P2RX7: variants seen among roughly 807,000 people sequenced by gnomAD.
P2RX7 encodes the protein purinergic receptor P2X 7.
Under a neutral mutation model 71.6 loss-of-function variants are expected in P2RX7, and 62 were observed. That is an observed-to-expected ratio of 0.87 (90% CI 0.71 to 1.07). The LOEUF is 1.07. Among genes scored for constraint, P2RX7 ranks in the 50% least tolerant of loss-of-function variants. P2RX7 has a pLI of 0.00. For missense variants in P2RX7, 686 were observed against 748.5 expected, an observed-to-expected ratio of 0.92 and a Z score of 0.97; for synonymous variants, 299 against 283.3, an observed-to-expected ratio of 1.06 and a Z score of -0.56.
chr12:121,184,425 A>G lies in P2RX7; in HGVS notation c.1411A>G (p.Arg471Gly), dbSNP rs1884639500. The change falls in exon 13 of 13, where the codon AGG becomes GGG. Residue 471 changes from arginine to glycine, a missense_variant. By Grantham distance (125) the Arg-to-Gly change is moderately radical (BLOSUM62 -2). Coordinates refer to ENST00000328963, the MANE Select transcript of P2RX7 (RefSeq NM_002562.6). ...LLRKEATPRSRDSPVWCQCGS... is the reference protein window; with the variant it reads ...LLRKEATPRSGDSPVWCQCGS... Reference sequence around the variant, plus strand: ...TAGAAAGGAGGCGACTCCTAGATCCAGGGATAGCCCCGTCTGGTGCCAGTG... The same window carrying G: ...TAGAAAGGAGGCGACTCCTAGATCCGGGGATAGCCCCGTCTGGTGCCAGTG... 3 of 1,614,060 alleles carry G rather than the reference A, an allele frequency of 1.9e-6. No individual in the cohort carries two copies. Among genetic ancestry groups the G allele is most frequent in the African/African-American group, 2.7e-5 (2 of 74,924 alleles).
chr12:121,173,872 G>A (rs1294019920), intron 8 of P2RX7, among the ~76,000 whole-genome samples: 1 of 152,084 alleles, frequency 6.6e-6, no homozygotes, highest in Non-Finnish European at 1.5e-5. Context: ...GATTGCAGAG[G>A]AGATGTAAAC....
intron 8 of P2RX7, among the ~76,000 whole-genome samples, chr12:121,170,751 G>A (rs1224222447): frequency 6.6e-6 from 1 of 152,130 alleles, no homozygotes; most frequent in East Asian, 1.9e-4. Context: ...TCCAGCCTGG[G>A]CGACAGAGCA....
chr12:121,144,151 A>G (rs1231818413), intron 1 of P2RX7, among the ~76,000 whole-genome samples: 2 of 152,228 alleles, frequency 1.3e-5, no homozygotes, highest in Non-Finnish European at 2.9e-5. Flanking sequence ...CAGCAGAGTG[A>G]GTTCTGTTGT....
intron 1 of P2RX7, among the ~76,000 whole-genome samples, chr12:121,145,572 T>C (rs906386810): frequency 6.6e-6 from 1 of 151,632 alleles, no homozygotes; most frequent in African/African-American, 2.4e-5. Context: ...GATGGTGTGA[T>C]CTCCACTCAC....
intron 8 of P2RX7, among the ~76,000 whole-genome samples, chr12:121,172,096 C>T (rs1215041237): frequency 2.7e-5 from 4 of 150,634 alleles, no homozygotes; most frequent in Admixed American, 6.6e-5. Context: ...CTCCTGACCT[C>T]GTGATCTGCC....
chr12:121,163,405 T>C (rs1344036217), intron 5 of P2RX7, among the ~76,000 whole-genome samples: 5 of 151,546 alleles, frequency 3.3e-5, no homozygotes, highest in African/African-American at 1.2e-4. Context: ...GTGGTGGTTC[T>C]AGACCAGCAC....
chr12:121,169,881 C>A (rs112667862), intron 8 of P2RX7, among the ~76,000 whole-genome samples: 1 of 152,160 alleles, frequency 6.6e-6, no homozygotes, highest in Non-Finnish European at 1.5e-5. Context: ...CACTGCACTC[C>A]AGCCTGGGTG....
In P2RX7 at chr12:121,166,175, T is replaced by A. The variant is rs1347306740; in HGVS notation, c.732T>A (p.Asp244Glu). The change falls in exon 7 of 13, where the codon GAT becomes GAA. Residue 244 changes from aspartate to glutamate, a missense_variant. Physicochemically the swap from Asp to Glu is conservative, Grantham distance 45. Coordinates refer to ENST00000328963, the MANE Select transcript of P2RX7 (RefSeq NM_002562.6). ...GAGAAACAGGCGATAATTTTTCAGA[T>A]GTGGCAATTCAGGTTGGTGGTGCTT... ...IFRETGDNFS[D>E]VAIQGGIMGI... is the part of the protein sequence containing the mutation. 3.7e-6 allele frequency: 6 copies of A among 1,613,372 alleles called. No individual in the cohort carries two copies. Among genetic ancestry groups the A allele is most frequent in the Non-Finnish European group, 5.1e-6 (6 of 1,179,574 alleles).
chr12:121,152,734 C>T (rs573258035), intron 1 of P2RX7, among the ~76,000 whole-genome samples: 73 of 152,286 alleles, frequency 4.8e-4, no homozygotes, highest in Non-Finnish European at 9.6e-4. Context: ...GCCAGGATGG[C>T]CTCAAACTCC....
rs763004601 is a variant in P2RX7 at position 121,166,139 on chromosome 12, A to C, written c.696A>C (p.Gly232=). ...QNPQCPIFRL[G]DIFRETGDNF... The stretch of plus-strand genomic sequence containing the variant: ...CACAGTGTCCCATTTTCCGACTAGG[A>C]GACATCTTCCGAGAAACAGGCGATA... Residue 232 remains glycine, a synonymous_variant, in exon 7 of 13, where the codon GGA becomes GGC. Transcript: ENST00000328963. The C allele has an allele frequency of 1.9e-6, 3 of 1,614,070 alleles. No individual in the cohort carries two copies. The highest frequency in any genetic ancestry group is 2.5e-6 in the Non-Finnish European group (3 of 1,179,932).
rs1878185089 is a variant in P2RX7 at position 121,154,603 on chromosome 12, CACAATCCATGAGGCAGGTATGACTA to C, written c.126-181_126-157del. On this transcript the variant is annotated intron_variant, in intron 1 of 12. Transcript: ENST00000328963. This position sits in a 1 kb window ranked among gnomAD's most constrained non-coding sequence, Gnocchi z 4.2. ...CTGCAGACGTCTCTCATTTCATCCTCACAATCCATGAGGCAGGTATGACTATTCTTCCCATTATCCAGAGAGGGAA... is the reference window on the plus strand; with the variant it reads ...CTGCAGACGTCTCTCATTTCATCCTCTTCTTCCCATTATCCAGAGAGGGAA... 1.3e-5 allele frequency among the ~76,000 whole-genome samples: 2 copies of C among 152,330 alleles called. No homozygotes were observed. Among genetic ancestry groups the C allele is most frequent in the African/African-American group, 4.8e-5 (2 of 41,576 alleles).
chr12:121,177,355 A>C lies in P2RX7; in HGVS notation c.1097A>C (p.His366Pro). 2 of 1,614,044 alleles carry C rather than the reference A, an allele frequency of 1.2e-6. No individual in the cohort carries two copies. The highest frequency in any genetic ancestry group is 1.7e-6 in the Non-Finnish European group (2 of 1,180,018). ...TACTCCAGTAACTGCTGTCGCTCCCATATTTATCCCTGGTGCAAGTGCTGT... is the reference window on the plus strand; with the variant it reads ...TACTCCAGTAACTGCTGTCGCTCCCCTATTTATCCCTGGTGCAAGTGCTGT... ...DTYSSNCCRS[H>P]IYPWCKCCQP... Residue 366 changes from histidine to proline, a missense_variant, in exon 11 of 13, where the codon CAT becomes CCT. Coordinates refer to ENST00000328963, the MANE Select transcript of P2RX7 (RefSeq NM_002562.6).
intron 5 of P2RX7, among the ~76,000 whole-genome samples, chr12:121,163,049 C>T (rs1029660614): frequency 2.6e-5 from 4 of 152,106 alleles, no homozygotes; most frequent in African/African-American, 7.2e-5. Context: ...TGTATTGATG[C>T]TTCGCTTCAA....
At chr12:121,184,269 G>A in intron 12 of P2RX7, 36 bp from the exon 13 acceptor site, 1 of 1,540,308 alleles carries the variant, frequency 6.5e-7, no homozygotes, top group Non-Finnish European at 8.7e-7. Flanking sequence ...CTGAGGGCTT[G>A]TCATGGCTAA....
chr12:121,174,913 AG>A (rs1882820884), intron 8 of P2RX7, among the ~76,000 whole-genome samples: 1 of 152,024 alleles, frequency 6.6e-6, no homozygotes, highest in Admixed American at 6.6e-5. Flanking sequence ...AGAGAGACCC[AG>A]GGCTTTGGAT....
At chr12:121,172,113 G>A (rs1004313753) in intron 8 of P2RX7, among the ~76,000 whole-genome samples, 28 of 63,972 alleles carry the variant, frequency 4.4e-4, no homozygotes, top group African/African-American at 1.4e-3. Context: ...TGCCTGCCTC[G>A]GCCTCCCAAA....
At chr12:121,166,960 G>A (rs1399353171) in intron 7 of P2RX7, among the ~76,000 whole-genome samples, 2 of 151,246 alleles carry the variant, frequency 1.3e-5, no homozygotes, top group African/African-American at 2.4e-5. Flanking sequence ...GCTGAGACAG[G>A]AGAATCGCTT....
intron 12 of P2RX7, among the ~76,000 whole-genome samples, chr12:121,183,823 G>A (rs752616873): frequency 2.0e-5 from 3 of 152,138 alleles, no homozygotes; most frequent in Non-Finnish European, 4.4e-5. Context: ...AGCACTTTGA[G>A]AGGCTGAGGC....
At chr12:121,172,963 G>A (rs1882474749) in intron 8 of P2RX7, among the ~76,000 whole-genome samples, 2 of 152,186 alleles carry the variant, frequency 1.3e-5, no homozygotes, top group South Asian at 4.1e-4. Context: ...ATCAAAGTGT[G>A]GTGAGAAGAA....
Sources: allele counts gnomAD v4.1 joint callset (sites outside exome capture counted in the v4.1 genomes callset), GRCh38; gene constraint gnomAD v4.1.1; non-coding constraint Gnocchi (gnomAD v3.1); transcripts MANE v1.5; gene names NCBI Gene and HGNC (gene_info 2026-07-23, HGNC 2026-07-21).